The following DDR1 variants were observed in gnomAD, a reference collection of about 807,000 sequenced individuals.
DDR1 encodes epithelial discoidin domain-containing receptor 1.
DDR1 carries 64 observed loss-of-function variants against 97.4 expected under a neutral mutation model. The ratio of observed to expected loss-of-function variants is 0.66; its 90% CI spans 0.54 to 0.81. DDR1 has a LOEUF of 0.81. Among genes scored for constraint, DDR1 ranks in the 30% least tolerant of loss-of-function variants. DDR1 has a pLI of 0.00. For synonymous variants in DDR1, 458 were observed against 503.7 expected (o/e 0.91, Z 1.21); for missense variants, 990 against 1,259.6 (o/e 0.79, Z 3.24).
rs1789874485 is a variant in DDR1 at position 30,894,348 on chromosome 6, T to C, written c.1348-158T>C. ...GACAGGGAAGTTACCTCCATGCTCTTGAGCTTCACTTTCTCTGCCTGTAAG... is the reference window on the plus strand; with the variant it reads ...GACAGGGAAGTTACCTCCATGCTCTCGAGCTTCACTTTCTCTGCCTGTAAG... On this transcript the variant is annotated intron_variant, in intron 10 of 17. Coordinates refer to ENST00000376568, the MANE Select transcript of DDR1 (RefSeq NM_001297654.2). This position sits in a 1 kb window ranked among gnomAD's most constrained non-coding sequence, Gnocchi z 5.7. 6.6e-6 allele frequency among the ~76,000 whole-genome samples: 1 copy of C among 152,086 alleles called. No individual in the cohort carries two copies. The highest frequency in any genetic ancestry group is 1.5e-5 in the Non-Finnish European group (1 of 68,010).
chr6:30,888,478 G>A lies in DDR1; in HGVS notation c.-42-210G>A. On this transcript the variant is annotated intron_variant, in intron 1 of 17. Coordinates refer to ENST00000376568, the MANE Select transcript of DDR1 (RefSeq NM_001297654.2). This position sits in a 1 kb window ranked among gnomAD's most constrained non-coding sequence, Gnocchi z 4.2. The stretch of plus-strand genomic sequence containing the variant: ...ATAGTATCTACCTTATGAAGTGACT[G>A]TGAAGATAAAATTATGGATTCTGTT... 1 of 597,218 alleles carries A rather than the reference G, an allele frequency of 1.7e-6. No individual in the cohort carries two copies. The highest frequency in any genetic ancestry group is 3.1e-5 in the Admixed American group (1 of 32,440). The allele number at this position is 597,218 out of a possible 1,614,324, so 37.0% of individuals were successfully genotyped here. A position where few individuals can be genotyped will look rare whatever the true frequency, so the allele number is the denominator to read the frequency against.
Position 30,897,305 on chromosome 6 carries a change from A to AGGGGGGTG in DDR1, c.1998-69_1998-62dup. ...ACGCCTGGTCTGCCTGAGGTGGGGC[A>AGGGGGGTG]GGGGGGTGGGGGCGCGGGGGAAGGT... On this transcript the variant is annotated intron_variant, in intron 14 of 17. Transcript: ENST00000376568. The surrounding 1 kb of genome is among the most constrained non-coding windows in gnomAD (Gnocchi z 5.2). The AGGGGGGTG allele has an allele frequency of 3.8e-6, 2 of 526,544 alleles. No individual in the cohort carries two copies. Among genetic ancestry groups the AGGGGGGTG allele is most frequent in the Non-Finnish European group, 5.3e-6 (2 of 374,402 alleles). 32.6% of individuals were successfully genotyped at this position (526,544 alleles called of 1,614,324 possible).
At chr6:30,885,681 G>A in intron 1 of DDR1, 1 of 1,321,710 alleles carries the variant, frequency 7.6e-7, no homozygotes, top group Non-Finnish European at 9.9e-7. Flanking sequence ...GAATGCCAAG[G>A]TGTGGACGGG....
rs1048050364 is a variant in DDR1, at chr6:30,886,242, T to A, written c.-43+1532T>A. Among the ~76,000 whole-genome samples the A allele has an allele frequency of 6.6e-6, 1 of 152,104 alleles. No homozygotes were observed. Among genetic ancestry groups the A allele is most frequent in the African/African-American group, 2.4e-5 (1 of 41,416 alleles). On this transcript the variant is annotated intron_variant, in intron 1 of 17. Transcript: ENST00000376568. The surrounding 1 kb of genome is among the most constrained non-coding windows in gnomAD (Gnocchi z 4.6). The stretch of plus-strand genomic sequence containing the variant: ...CTGCCCCGGGCTCCTCTCGGCTCTG[T>A]GTGGCTCTGATGACTCATCTGGGAT...
rs1329592902 is a variant in DDR1 at position 30,892,127 on chromosome 6, C to T, written c.791C>T (p.Ser264Phe). The change falls in exon 7 of 18, where the codon TCC (serine) becomes TTC (phenylalanine). Residue 264 changes from serine (S) to phenylalanine (F), a missense_variant. Coordinates refer to ENST00000376568, the MANE Select transcript of DDR1 (RefSeq NM_001297654.2). ...GTGGGATGGAGCAACCACAGCTTCT[C>T]CAGTGGCTATGTGGAGATGGAGTTT... ...DYVGWSNHSF[S>F]SGYVEMEFEF... The T allele has an allele frequency of 1.9e-6, 3 of 1,614,080 alleles. No homozygotes were observed. The highest frequency in any genetic ancestry group is 2.5e-6 in the Non-Finnish European group (3 of 1,180,034).
rs1785235733 is a variant in DDR1, at chr6:30,884,948, C to T, written c.-43+238C>T. ...GTGACCTCCCAGAAAGAGTTTTGAG[C>T]CTCCAGCCTTGAGGCAAGTCCCCTC... is the stretch of plus-strand genomic sequence containing the variant. On this transcript the variant is annotated intron_variant, in intron 1 of 17. Coordinates refer to ENST00000376568, the MANE Select transcript of DDR1 (RefSeq NM_001297654.2). The surrounding 1 kb of genome is among the most constrained non-coding windows in gnomAD (Gnocchi z 6.1). 3 of 449,140 alleles carry T rather than the reference C, an allele frequency of 6.7e-6. No individual in the cohort carries two copies. The highest frequency in any genetic ancestry group is 1.2e-5 in the Non-Finnish European group (3 of 250,568). The allele number at this position is 449,140 out of a possible 1,614,324, so 27.8% of individuals were successfully genotyped here. A position where few individuals can be genotyped will look rare whatever the true frequency, so the allele number is the denominator to read the frequency against.
Position 30,893,276 on chromosome 6 carries a change from G to A in DDR1, c.1200G>A (p.Leu400=), listed in dbSNP as rs113669350. ...TGACCCTGCTGCCTCCACCAGAGCT[G>A]GAGCCCAGAGGCCAGCAGCCCGTGG... ...PPPTNFSSLE[L]EPRGQQPVAK... is the part of the protein sequence containing the mutation. The change falls in exon 10 of 18, where the codon CTG becomes CTA. Residue 400 remains leucine, a synonymous_variant. Coordinates refer to ENST00000376568, the MANE Select transcript of DDR1 (RefSeq NM_001297654.2). 2 of 1,604,438 alleles carry A rather than the reference G, an allele frequency of 1.2e-6. No homozygotes were observed. Among genetic ancestry groups the A allele is most frequent in the East Asian group, 2.2e-5 (1 of 44,872 alleles).
intron 10 of DDR1, among the ~76,000 whole-genome samples, 193 bp downstream of exon 10, chr6:30,893,616 GC>G (rs559481194): frequency 7.0e-4 from 106 of 152,366 alleles, no homozygotes; most frequent in South Asian, 2.7e-3. Context: ...GGTCTGCTCA[GC>G]GGAGAGGAGC....
rs1263152584 is a variant in DDR1, at chr6:30,889,992, T to C, written c.417+562T>C. Among the ~76,000 whole-genome samples, 1 of 152,080 alleles carries C rather than the reference T, an allele frequency of 6.6e-6. No homozygotes were observed. The highest frequency in any genetic ancestry group is 1.5e-5 in the Non-Finnish European group (1 of 68,014). On this transcript the variant is annotated intron_variant, in intron 4 of 17. Coordinates refer to ENST00000376568, the MANE Select transcript of DDR1 (RefSeq NM_001297654.2). The surrounding 1 kb of genome is among the most constrained non-coding windows in gnomAD (Gnocchi z 4.9). ...CCTGAGTCCAGTCACTCCTCACCAC[T>C]CCACCTCTACTGCCCTAGGCCACCT...
chr6:30,891,435 C>A lies in DDR1; in HGVS notation c.621C>A (p.Ala207=). The change falls in exon 6 of 18, where the codon GCC becomes GCA. Residue 207 remains alanine, a synonymous_variant. Transcript: ENST00000376568. This position sits in a 1 kb window ranked among gnomAD's most constrained non-coding sequence, Gnocchi z 5.3. Reference sequence around the variant, plus strand: ...GGCAGACAATGTATTTATCTGAGGCCGTGTACCTCAACGACTCCACCTATG... The same window carrying A: ...GGCAGACAATGTATTTATCTGAGGCAGTGTACCTCAACGACTCCACCTATG... ...PVGQTMYLSE[A]VYLNDSTYDG... 2 of 1,608,630 alleles carry A rather than the reference C, an allele frequency of 1.2e-6. No individual in the cohort carries two copies. Among genetic ancestry groups the A allele is most frequent in the Non-Finnish European group, 1.7e-6 (2 of 1,177,952 alleles).
At position 30,896,712 on chromosome 6, in the gene DDR1, T is replaced by G. The variant is rs1481666075; in HGVS notation, c.1716T>G (p.Ala572=). The change falls in exon 13 of 18, where the codon GCT becomes GCG. Residue 572 remains alanine (A), a synonymous_variant. Transcript: ENST00000376568. ...PQNSVPHYAE[A]DIVTLQGVTG... is the part of the protein sequence containing the mutation. ...ACAGCGTCCCCCATTATGCCGAGGC[T>G]GACATTGTTACCCTGCAGGGCGTCA... 1 of 1,607,272 alleles carries G rather than the reference T, an allele frequency of 6.2e-7. No homozygotes were observed. Among genetic ancestry groups the G allele is most frequent in the Non-Finnish European group, 8.5e-7 (1 of 1,176,870 alleles).
rs1219441900 is a variant in DDR1, at chr6:30,892,314, C to A, written c.871C>A (p.His291Asn). The A allele has an allele frequency of 6.4e-7, 1 of 1,573,944 alleles. No individual in the cohort carries two copies. The highest frequency in any genetic ancestry group is 8.6e-7 in the Non-Finnish European group (1 of 1,158,738). Residue 291 changes from histidine (H) to asparagine (N), a missense_variant, in exon 8 of 18, where the codon CAC becomes AAC. His to Asn is a moderately conservative substitution (Grantham distance 68). Transcript: ENST00000376568. Reference sequence around the variant, plus strand: ...CCCCCAGGTCCACTGTAACAACATGCACACGCTGGGAGCCCGTCTGCCTGG... The same window carrying A: ...CCCCCAGGTCCACTGTAACAACATGAACACGCTGGGAGCCCGTCTGCCTGG... The part of the protein sequence containing the change: ...QAMQVHCNNM[H>N]TLGARLPGGV...
Position 30,896,764 on chromosome 6 carries a change from G to T in DDR1, c.1768G>T (p.Ala590Ser). Residue 590 changes from alanine to serine, a missense_variant, in exon 13 of 18, where the codon GCA (alanine) becomes TCA (serine). Transcript: ENST00000376568. Reference sequence around the variant, plus strand: ...CGGGGGCAACACCTATGCTGTGCCTGCACTGCCCCCAGGGGCAGTCGGGGA... The same window carrying T: ...CGGGGGCAACACCTATGCTGTGCCTTCACTGCCCCCAGGGGCAGTCGGGGA... ...VTGGNTYAVP[A>S]LPPGAVGDGP... The T allele has an allele frequency of 1.3e-6, 2 of 1,588,332 alleles. No individual in the cohort carries two copies. Among genetic ancestry groups the T allele is most frequent in the Non-Finnish European group, 1.7e-6 (2 of 1,165,964 alleles).
chr6:30,891,527 CTGTGTGTGTG>C lies in DDR1; in HGVS notation c.665+69_665+78del. 1 of 797,052 alleles carries C rather than the reference CTGTGTGTGTG, an allele frequency of 1.3e-6. No homozygotes were observed. Among genetic ancestry groups the C allele is most frequent in the Non-Finnish European group, 2.0e-6 (1 of 491,462 alleles). 49.4% of individuals were successfully genotyped at this position (797,052 alleles called of 1,614,324 possible). The stretch of plus-strand genomic sequence containing the variant: ...ATGGAGTTTGGGGTGGGAGGGAGGA[CTGTGTGTGTG>C]TGTGTGTGTGTGTGTGTGTGAGAGT... On this transcript the variant is annotated intron_variant, in intron 6 of 17. Coordinates refer to ENST00000376568, the MANE Select transcript of DDR1 (RefSeq NM_001297654.2). The surrounding 1 kb of genome is among the most constrained non-coding windows in gnomAD (Gnocchi z 5.3).
chr6:30,888,298 G>A lies in DDR1; in HGVS notation c.-42-390G>A, dbSNP rs1786653740. 5.5e-6 allele frequency: 1 copy of A among 181,490 alleles called. No homozygotes were observed. Among genetic ancestry groups the A allele is most frequent in the Admixed American group, 5.8e-5 (1 of 17,198 alleles). The allele number at this position is 181,490 out of a possible 1,614,324, so 11.2% of individuals were successfully genotyped here. ...TGTAGTTATTAAACCTTTTCCTGTT[G>A]TATGTGTTATAAACATTTTTTGCAC... is the stretch of plus-strand genomic sequence containing the variant. On this transcript the variant is annotated intron_variant, in intron 1 of 17. Coordinates refer to ENST00000376568, the MANE Select transcript of DDR1 (RefSeq NM_001297654.2). This position sits in a 1 kb window ranked among gnomAD's most constrained non-coding sequence, Gnocchi z 4.2.
In DDR1 at chr6:30,896,858, T is replaced by A. The variant is rs773039359; in HGVS notation, c.1862T>A (p.Phe621Tyr). 3.2e-6 allele frequency: 5 copies of A among 1,577,960 alleles called. No homozygotes were observed. The highest frequency in any genetic ancestry group is 1.2e-5 in the South Asian group (1 of 85,290). Residue 621 changes from phenylalanine to tyrosine, a missense_variant, in exon 13 of 18, where the codon TTT becomes TAT. Phe to Tyr is a conservative substitution (Grantham distance 22). Coordinates refer to ENST00000376568, the MANE Select transcript of DDR1 (RefSeq NM_001297654.2). ...AAGGAGAAGCTTGGCGAGGGCCAGTTTGGGGAGGTAAGGAGGGTGCCTACC... is the reference window on the plus strand; with the variant it reads ...AAGGAGAAGCTTGGCGAGGGCCAGTATGGGGAGGTAAGGAGGGTGCCTACC... ...RFKEKLGEGQFGEVHLCEVDS... is the reference protein window; with the variant it reads ...RFKEKLGEGQYGEVHLCEVDS...
rs751595401 is a variant in DDR1 at position 30,891,239 on chromosome 6, G to A, written c.565+119G>A. On this transcript the variant is annotated intron_variant, in intron 5 of 17. Transcript: ENST00000376568. The surrounding 1 kb of genome is among the most constrained non-coding windows in gnomAD (Gnocchi z 5.3). ...CTGGGAAGCTGTCACTCTGAGGAGG[G>A]GGCTAGCCAGCATTGTCTCCTCCAT... The A allele has an allele frequency of 6.7e-7, 1 of 1,493,396 alleles. No individual in the cohort carries two copies. Among genetic ancestry groups the A allele is most frequent in the South Asian group, 1.2e-5 (1 of 82,084 alleles). The allele number at this position is 1,493,396 out of a possible 1,614,324, so 92.5% of individuals were successfully genotyped here. A position where few individuals can be genotyped will look rare whatever the true frequency, so the allele number is the denominator to read the frequency against.
rs1266344610 is a variant in DDR1 at position 30,891,278 on chromosome 6, T to C, written c.566-102T>C. On this transcript the variant is annotated intron_variant, in intron 5 of 17. Transcript: ENST00000376568. This position sits in a 1 kb window ranked among gnomAD's most constrained non-coding sequence, Gnocchi z 5.3. The stretch of plus-strand genomic sequence containing the variant: ...TGTCTCCTCCATGCCAATGAGCCAG[T>C]GGAGAGATACAAGAAGGGACCTGAA... 7.1e-7 allele frequency: 1 copy of C among 1,405,450 alleles called. No individual in the cohort carries two copies. Among genetic ancestry groups the C allele is most frequent in the East Asian group, 2.3e-5 (1 of 43,340 alleles). 87.1% of individuals were successfully genotyped at this position (1,405,450 alleles called of 1,614,324 possible). A position where few individuals can be genotyped will look rare whatever the true frequency, so the allele number is the denominator to read the frequency against.
chr6:30,891,010 T>G lies in DDR1; in HGVS notation c.455T>G (p.Leu152Arg), dbSNP rs745723181. The G allele has an allele frequency of 3.7e-6, 6 of 1,612,450 alleles. No homozygotes were observed. ...AATGAGGACCCTGAGGGAGTGGTGC[T>G]GAAGGACCTTGGGCCCCCCATGGTT... ...SGNEDPEGVVLKDLGPPMVAR... is the reference protein window; with the variant it reads ...SGNEDPEGVVRKDLGPPMVAR... The change falls in exon 5 of 18, where the codon CTG (leucine) becomes CGG (arginine). Residue 152 changes from leucine to arginine, a missense_variant. Transcript: ENST00000376568. This position sits in a 1 kb window ranked among gnomAD's most constrained non-coding sequence, Gnocchi z 5.3.
Sources: allele counts gnomAD v4.1 joint callset (sites outside exome capture counted in the v4.1 genomes callset), GRCh38; gene constraint gnomAD v4.1.1; non-coding constraint Gnocchi (gnomAD v3.1); transcripts MANE v1.5; gene names NCBI Gene and HGNC (gene_info 2026-07-23, HGNC 2026-07-21).